Variants in GNAZ observed in about 807,000 individuals in gnomAD.
GNAZ encodes the protein G protein subunit alpha z.
GNAZ carries 3 observed loss-of-function variants against 25.4 expected under a neutral mutation model. The ratio of observed to expected loss-of-function variants is 0.12; its 90% CI spans 0.05 to 0.30. The LOEUF (loss-of-function observed/expected upper bound fraction) is 0.30, where lower values mean the gene tolerates loss of function less well. Ranked by LOEUF, GNAZ falls within the 10% of genes least tolerant of loss-of-function variation. The probability of loss-of-function intolerance (pLI) is 1.00; values close to 1 mark genes in which losing one functional copy is unlikely to be tolerated. For synonymous variants in GNAZ, 211 were observed against 205.7 expected, an observed-to-expected ratio of 1.03 and a Z score of -0.22; for missense variants, 241 against 501.8, an observed-to-expected ratio of 0.48 and a Z score of 4.97.
intron 2 of GNAZ, among the ~76,000 whole-genome samples, chr22:23,114,780 G>A (rs1433008752): frequency 5.9e-5 from 9 of 152,314 alleles, no homozygotes; most frequent in Non-Finnish European, 1.0e-4. Context: ...TGGCCACTCC[G>A]CAGCTGCCAC....
At chr22:23,077,847 C>G (rs919413470) in intron 1 of GNAZ, among the ~76,000 whole-genome samples, 1 of 152,188 alleles carries the variant, frequency 6.6e-6, no homozygotes, top group Non-Finnish European at 1.5e-5. Flanking sequence ...GCCCTGACCC[C>G]CTGTGAACTG....
At chr22:23,112,895 G>A (rs1173289847) in intron 2 of GNAZ, among the ~76,000 whole-genome samples, 1 of 152,180 alleles carries the variant, frequency 6.6e-6, no homozygotes, top group Non-Finnish European at 1.5e-5. Flanking sequence ...GCTCCAGCTG[G>A]GCAGAGCTAC....
Position 23,124,521 on chromosome 22 carries a change from A to G in GNAZ, c.*1090A>G. 3.0e-6 allele frequency: 1 copy of G among 332,970 alleles called. No individual in the cohort carries two copies. Among genetic ancestry groups the G allele is most frequent in the Non-Finnish European group, 6.6e-6 (1 of 151,834 alleles). 20.6% of individuals were successfully genotyped at this position (332,970 alleles called of 1,614,324 possible). ...TTCTGCTTTGTTTTTATTTAAGAAAATAAACACGACATATTTAAAGAAGGT... is the reference window on the plus strand; with the variant it reads ...TTCTGCTTTGTTTTTATTTAAGAAAGTAAACACGACATATTTAAAGAAGGT... On this transcript the variant is annotated 3_prime_UTR_variant, in exon 3 of 3. Coordinates refer to ENST00000615612, the MANE Select transcript of GNAZ (RefSeq NM_002073.4).
At chr22:23,097,380 C>G (rs1453189980) in intron 2 of GNAZ, among the ~76,000 whole-genome samples, 1 of 152,180 alleles carries the variant, frequency 6.6e-6, no homozygotes, top group Admixed American at 6.5e-5. Context: ...GACCTGTGCC[C>G]CAGCCAGGGA....
At chr22:23,091,417 C>A (rs1347192396) in intron 1 of GNAZ, among the ~76,000 whole-genome samples, 2 of 151,814 alleles carry the variant, frequency 1.3e-5, no homozygotes, top group African/African-American at 4.8e-5. Context: ...CATACATGCA[C>A]ACGCACCACA....
chr22:23,080,374 G>T (rs191101649), intron 1 of GNAZ, among the ~76,000 whole-genome samples: 34 of 151,272 alleles, frequency 2.2e-4, no homozygotes, highest in Non-Finnish European at 4.0e-4. Flanking sequence ...TCATCTCCCC[G>T]GTCATCTCAT....
intron 2 of GNAZ, among the ~76,000 whole-genome samples, chr22:23,098,525 G>A (rs140064002): frequency 6.6e-6 from 1 of 152,362 alleles, no homozygotes; most frequent in Non-Finnish European, 1.5e-5. Context: ...GGATCCCTGT[G>A]AGGTTCCAGG....
intron 2 of GNAZ, among the ~76,000 whole-genome samples, chr22:23,103,279 A>G (rs1294219973): frequency 1.3e-5 from 2 of 151,154 alleles, no homozygotes; most frequent in African/African-American, 4.9e-5. Context: ...AAACAGTTCT[A>G]CTCCTCCCCA....
At chr22:23,070,947 G>A (rs1478270705) in intron 1 of GNAZ, among the ~76,000 whole-genome samples, 1 of 151,838 alleles carries the variant, frequency 6.6e-6, no homozygotes, top group Non-Finnish European at 1.5e-5. Flanking sequence ...CGAGCTGCGG[G>A]AGCGGCGCTG....
chr22:23,109,418 G>T (rs2094266198), intron 2 of GNAZ, among the ~76,000 whole-genome samples: 2 of 152,148 alleles, frequency 1.3e-5, no homozygotes, highest in South Asian at 4.1e-4. Flanking sequence ...AGGTCTTTTT[G>T]GGAGTCCTGA....
chr22:23,097,515 G>A (rs1040000214), intron 2 of GNAZ, among the ~76,000 whole-genome samples: 2 of 152,236 alleles, frequency 1.3e-5, no homozygotes, highest in African/African-American at 2.4e-5. Flanking sequence ...CGCATCAGGG[G>A]TCTCCCTGGA....
At chr22:23,118,688 T>C (rs2069923423) in intron 2 of GNAZ, among the ~76,000 whole-genome samples, 1 of 152,194 alleles carries the variant, frequency 6.6e-6, no homozygotes, top group South Asian at 2.1e-4. Context: ...CTCCTCTGAA[T>C]CCAGGGTCTG....
chr22:23,077,851 T>A (rs2068548922), intron 1 of GNAZ, among the ~76,000 whole-genome samples: 1 of 152,162 alleles, frequency 6.6e-6, no homozygotes, highest in South Asian at 2.1e-4. Context: ...TGACCCCCTG[T>A]GAACTGGTGG....
chr22:23,108,626 G>A (rs1320926967), intron 2 of GNAZ, among the ~76,000 whole-genome samples: 1 of 152,264 alleles, frequency 6.6e-6, no homozygotes, highest in Non-Finnish European at 1.5e-5. Flanking sequence ...AGATTGTCCA[G>A]GAGGTGCCCT....
In GNAZ at chr22:23,096,034, C is replaced by A; in HGVS notation, c.339C>A (p.Pro113=). 6.2e-7 allele frequency: 1 copy of A among 1,607,010 alleles called. No individual in the cohort carries two copies. The highest frequency in any genetic ancestry group is 8.5e-7 in the Non-Finnish European group (1 of 1,179,940). ...DAVQLFALTG[P]AESKGEITPE... ...TGCAGCTCTTTGCGCTGACGGGCCC[C>A]GCTGAGAGCAAGGGCGAGATCACAC... is the stretch of plus-strand genomic sequence containing the variant. Residue 113 remains proline (P), a synonymous_variant, in exon 2 of 3, where the codon CCC becomes CCA. Transcript: ENST00000615612.
At chr22:23,118,133 A>T (rs2069903930) in intron 2 of GNAZ, among the ~76,000 whole-genome samples, 1 of 152,134 alleles carries the variant, frequency 6.6e-6, no homozygotes, top group South Asian at 2.1e-4. Flanking sequence ...GTCTATTTGG[A>T]CCTGTCTGAG....
In GNAZ at chr22:23,095,963, G is replaced by A. The variant is rs780469417; in HGVS notation, c.268G>A (p.Ala90Thr). 37 of 1,611,676 alleles carry A rather than the reference G, an allele frequency of 2.3e-5. No homozygotes were observed. The highest frequency in any genetic ancestry group is 2.6e-5 in the Non-Finnish European group (31 of 1,180,032). The change falls in exon 2 of 3, where the codon GCC becomes ACC. Residue 90 changes from alanine to threonine, a missense_variant. By Grantham distance (58) the Ala-to-Thr change is moderately conservative (BLOSUM62 0). Transcript: ENST00000615612. The stretch of plus-strand genomic sequence containing the variant: ...GACCCGCATCATCCGGGCCCTGGCC[G>A]CCCTCAGGATCGACTTCCACAACCC... ...SLTRIIRALAALRIDFHNPDR... is the reference protein window; with the variant it reads ...SLTRIIRALATLRIDFHNPDR...
chr22:23,109,025 C>T (rs1195354782), intron 2 of GNAZ, among the ~76,000 whole-genome samples: 2 of 152,212 alleles, frequency 1.3e-5, no homozygotes, highest in African/African-American at 4.8e-5. Context: ...GCCTGAAGCT[C>T]AGCTCCATAT....
chr22:23,123,504 G>A lies in GNAZ; in HGVS notation c.*73G>A. 2.1e-6 allele frequency: 2 copies of A among 957,962 alleles called. No individual in the cohort carries two copies. The highest frequency in any genetic ancestry group is 2.6e-5 in the East Asian group (1 of 38,410). The allele number at this position is 957,962 out of a possible 1,614,324, so 59.3% of individuals were successfully genotyped here. On this transcript the variant is annotated 3_prime_UTR_variant, in exon 3 of 3. Coordinates refer to ENST00000615612, the MANE Select transcript of GNAZ (RefSeq NM_002073.4). ...TCATGCCCCAACGCGTGCTAGAGAG[G>A]CCCAATCCAGGGGCAGAAAACAGGG...
Sources: gnomAD v4.1 joint callset for allele counts (sites outside exome capture counted in the v4.1 genomes callset) on GRCh38, gnomAD v4.1.1 for gene constraint, MANE v1.5 for transcripts, NCBI Gene and HGNC (gene_info 2026-07-23, HGNC 2026-07-21) for gene names.